ULK4: variants seen among roughly 807,000 people sequenced by gnomAD.
ULK4 encodes inactive serine/threonine-protein kinase ULK4.
In ULK4, 133 loss-of-function variants were observed where a neutral mutation model predicts 160.6. The observed-to-expected ratio is 0.83, with a 90% CI of 0.72 to 0.96. The LOEUF (loss-of-function observed/expected upper bound fraction) is 0.96, where lower values mean the gene tolerates loss of function less well. ULK4 is among the 40% of genes least tolerant of loss of function. ULK4 has a pLI of 0.00. For missense variants in ULK4, 1,580 were observed against 1,499.5 expected (o/e 1.05, Z -0.89); for synonymous variants, 534 against 539.8 (o/e 0.99, Z 0.15).
At chr3:41,912,030 A>G (rs1698806232) in intron 9 of ULK4, among the ~76,000 whole-genome samples, 2 of 152,002 alleles carry the variant, frequency 1.3e-5, no homozygotes, top group South Asian at 2.1e-4. Context: ...AAAAAAAAAA[A>G]AGATCCAGGC....
chr3:41,752,154 T>C lies in ULK4; in HGVS notation c.2321+2207A>G, dbSNP rs114446708. On this transcript the variant is annotated intron_variant, in intron 22 of 36. Coordinates refer to ENST00000301831, the MANE Select transcript of ULK4 (RefSeq NM_017886.4). ...ACAAGAAATGATCTAACAGCATCCATTGAGAAAGTTTCTTACTTGTTCTTT... is the reference window on the plus strand; with the variant it reads ...ACAAGAAATGATCTAACAGCATCCACTGAGAAAGTTTCTTACTTGTTCTTT... 7.6e-3 allele frequency among the ~76,000 whole-genome samples: 1,157 copies of C among 152,364 alleles called. 11 individuals carry two copies. The highest frequency in any genetic ancestry group is 0.027 in the African/African-American group (1,102 of 41,576).
At chr3:41,851,577 TGATGCTGG>T (rs1190873456) in intron 17 of ULK4, among the ~76,000 whole-genome samples, 2 of 152,204 alleles carry the variant, frequency 1.3e-5, no homozygotes, top group Admixed American at 6.5e-5. Context: ...GGTATCAGGA[TGATGCTGG>T]CCTCATAAAA....
In ULK4 at chr3:41,800,148, C is replaced by T. The variant is rs777057903; in HGVS notation, c.1994G>A (p.Arg665Lys). The change falls in exon 20 of 37, where the codon AGG becomes AAG. Residue 665 changes from arginine (R) to lysine (K), a missense_variant. By Grantham distance (26) the Arg-to-Lys change is conservative (BLOSUM62 2). Coordinates refer to ENST00000301831, the MANE Select transcript of ULK4 (RefSeq NM_017886.4). Reference protein sequence around the residue: ...LFRHSTADSLRITAVSALCRI... With the variant: ...LFRHSTADSLKITAVSALCRI... ...TCATCTTACCGATACTGCTGTTATC[C>T]TAAGAGAATCAGCAGTGGAGTGTCT... 8.7e-6 allele frequency: 14 copies of T among 1,609,692 alleles called. No homozygotes were observed. The highest frequency in any genetic ancestry group is 1.7e-4 in the Middle Eastern group (1 of 6,052).
At chr3:41,961,550 ACCCCCCC>A (rs201424516) in intron 1 of ULK4, among the ~76,000 whole-genome samples, 1 of 124,690 alleles carries the variant, frequency 8.0e-6, no homozygotes, top group African/African-American at 4.3e-5. Flanking sequence ...GTAGTCACTC[ACCCCCCC>A]CCCCCCCCCC....
intron 35 of ULK4, among the ~76,000 whole-genome samples, chr3:41,297,983 C>T (rs187087629): frequency 8.8e-4 from 134 of 152,350 alleles, no homozygotes; most frequent in African/African-American, 3.1e-3. Context: ...TAGTCAACAA[C>T]TGACCAGGCA....
chr3:41,871,745 T>C (rs895143725), intron 17 of ULK4, among the ~76,000 whole-genome samples: 9 of 152,254 alleles, frequency 5.9e-5, no homozygotes, highest in Admixed American at 1.3e-4. Context: ...TCGTCAGATA[T>C]GTAGCTTGTA....
intron 16 of ULK4, among the ~76,000 whole-genome samples, chr3:41,885,687 G>GT (rs765674796): frequency 4.2e-3 from 610 of 145,224 alleles, no homozygotes; most frequent in East Asian, 0.022. Context: ...TTTTTAAAAA[G>GT]TTTTTTTTTT....
intron 35 of ULK4, among the ~76,000 whole-genome samples, chr3:41,280,205 T>C (rs941147901): frequency 6.6e-6 from 1 of 152,134 alleles, no homozygotes; most frequent in Non-Finnish European, 1.5e-5. Flanking sequence ...TACACAATAA[T>C]AATGGGAGAC....
In ULK4 at chr3:41,321,536, C is replaced by T. The variant is rs559603020; in HGVS notation, c.3679-71962G>A. On this transcript the variant is annotated intron_variant, in intron 35 of 36. Coordinates refer to ENST00000301831, the MANE Select transcript of ULK4 (RefSeq NM_017886.4). ...CCCCACACCACCCAGGAATGTGAGG[C>T]GACCATCACGTGATGGTCAGGCAGT... Among the ~76,000 whole-genome samples, 5 of 152,130 alleles carry T rather than the reference C, an allele frequency of 3.3e-5. No individual in the cohort carries two copies. The East Asian group carries it at 7.8e-4, about 24-fold the overall frequency.
At chr3:41,351,763 C>T (rs2080913854) in intron 35 of ULK4, among the ~76,000 whole-genome samples, 1 of 152,126 alleles carries the variant, frequency 6.6e-6, no homozygotes, top group Non-Finnish European at 1.5e-5. Context: ...AGAAGGTGCT[C>T]CCTTTCCCAT....
chr3:41,650,079 C>T (rs1361788795), intron 30 of ULK4, among the ~76,000 whole-genome samples: 1 of 152,096 alleles, frequency 6.6e-6, no homozygotes, highest in Non-Finnish European at 1.5e-5. Context: ...CACAGGTCTC[C>T]TCTCTGCTGA....
chr3:41,573,729 T>C (rs922682804), intron 31 of ULK4, among the ~76,000 whole-genome samples: 5 of 152,236 alleles, frequency 3.3e-5, no homozygotes, highest in South Asian at 2.1e-4. Context: ...ACAAATTTAC[T>C]GTTGCTCTAG....
chr3:41,581,549 T>C (rs1346896742), intron 31 of ULK4, among the ~76,000 whole-genome samples: 34 of 152,194 alleles, frequency 2.2e-4, no homozygotes, highest in Admixed American at 2.2e-3. Flanking sequence ...AAATAGACTA[T>C]TTTGAAAAAA....
intron 9 of ULK4, among the ~76,000 whole-genome samples, chr3:41,912,578 C>CTATCA (rs1176180715): frequency 2.6e-5 from 4 of 152,158 alleles, no homozygotes; most frequent in African/African-American, 7.2e-5. Flanking sequence ...GAACTAATGA[C>CTATCA]TATCATATTA....
At position 41,801,363 on chromosome 3, in the gene ULK4, C is replaced by T. The variant is rs182682927; in HGVS notation, c.1849-1070G>A. On this transcript the variant is annotated intron_variant, in intron 19 of 36. Coordinates refer to ENST00000301831, the MANE Select transcript of ULK4 (RefSeq NM_017886.4). Reference sequence around the variant, plus strand: ...AACAGAGCATCAGTGAACTGTAGGACGCCTTCAAAAGACCTAATAAATGTG... The same window carrying T: ...AACAGAGCATCAGTGAACTGTAGGATGCCTTCAAAAGACCTAATAAATGTG... Among the ~76,000 whole-genome samples, 22 of 152,092 alleles carry T rather than the reference C, an allele frequency of 1.4e-4. 1 individual carries two copies. In the East Asian group the frequency reaches 2.7e-3, roughly 19 times the overall value.
intron 17 of ULK4, among the ~76,000 whole-genome samples, chr3:41,867,721 C>T (rs1338552222): frequency 6.6e-6 from 1 of 152,208 alleles, no homozygotes; most frequent in Non-Finnish European, 1.5e-5. Context: ...TTGTGATGCA[C>T]AGAGTCTTCA....
intron 35 of ULK4, among the ~76,000 whole-genome samples, chr3:41,303,140 G>A (rs10461010): frequency 0.15 from 22,777 of 152,088 alleles, 1,999 homozygotes; most frequent in African/African-American, 0.23. Context: ...TATTGCCTCT[G>A]ATAATAATTA....
intron 27 of ULK4, among the ~76,000 whole-genome samples, chr3:41,694,917 C>T (rs7613725): frequency 0.19 from 28,244 of 152,108 alleles, 6,969 homozygotes; most frequent in African/African-American, 0.57. Context: ...TGTGTTCATA[C>T]GCATATGTGT....
At chr3:41,360,157 A>G (rs936511791) in intron 35 of ULK4, among the ~76,000 whole-genome samples, 9 of 152,206 alleles carry the variant, frequency 5.9e-5, no homozygotes, top group African/African-American at 2.2e-4. Context: ...GCCAACAAAC[A>G]TGAAAAAAAG....
Sources: allele counts gnomAD v4.1 joint callset (sites outside exome capture counted in the v4.1 genomes callset), GRCh38; gene constraint gnomAD v4.1.1; transcripts MANE v1.5; gene names NCBI Gene and HGNC (gene_info 2026-07-23, HGNC 2026-07-21).